PCDH9: variants seen among roughly 807,000 people sequenced by gnomAD.
The protein encoded by PCDH9 is protocadherin 9.
Under a neutral mutation model 70.6 loss-of-function variants are expected in PCDH9, and 24 were observed. The ratio of observed to expected loss-of-function variants is 0.34; its 90% CI spans 0.25 to 0.48. The LOEUF is 0.48. PCDH9 is among the 20% of genes least tolerant of loss of function. The pLI is 0.99. For missense variants in PCDH9, 1,281 were observed against 1,503.6 expected, an observed-to-expected ratio of 0.85 and a Z score of 2.45; for synonymous variants, 562 against 558.5, an observed-to-expected ratio of 1.01 and a Z score of -0.09.
At chr13:66,666,054 T>C (rs2078092476) in intron 3 of PCDH9, among the ~76,000 whole-genome samples, 1 of 152,198 alleles carries the variant, frequency 6.6e-6, no homozygotes, top group African/African-American at 2.4e-5. Context: ...GAACAGATAC[T>C]GTTGCAAATG....
At chr13:66,465,332 A>G (rs955324448) in intron 4 of PCDH9, among the ~76,000 whole-genome samples, 3 of 151,952 alleles carry the variant, frequency 2.0e-5, no homozygotes, top group African/African-American at 7.2e-5. Context: ...GGTCAAAAAA[A>G]ATGGATTAGA....
intron 4 of PCDH9, among the ~76,000 whole-genome samples, chr13:66,531,588 C>T (rs925624566): frequency 3.9e-5 from 6 of 152,038 alleles, no homozygotes; most frequent in South Asian, 2.1e-4. Flanking sequence ...AAAAGCCTCA[C>T]CTAAATTTTA....
At position 66,492,978 on chromosome 13, in the gene PCDH9, AT is replaced by A. The variant is rs745594908; in HGVS notation, c.3340+138231del. 3.3e-5 allele frequency among the ~76,000 whole-genome samples: 5 copies of A among 152,304 alleles called. No homozygotes were observed. The South Asian group carries it at 6.2e-4, about 19-fold the overall frequency. ...AGGTGACTATCCTGTCTCATTAAAA[AT>A]ATCCTGAGTGAGTTCTCACCACCTG... On this transcript the variant is annotated intron_variant, in intron 4 of 4. Coordinates refer to ENST00000377865, the MANE Select transcript of PCDH9 (RefSeq NM_203487.3).
chr13:67,228,924 T>C (rs566044360), intron 1 of PCDH9, among the ~76,000 whole-genome samples: 1 of 152,214 alleles, frequency 6.6e-6, no homozygotes. Flanking sequence ...TCCCTCAGTC[T>C]TTTCAGGTGC....
intron 2 of PCDH9, among the ~76,000 whole-genome samples, chr13:67,086,869 AGCATATAAAAGAT>A (rs922270410): frequency 6.6e-6 from 1 of 152,184 alleles, no homozygotes; most frequent in Non-Finnish European, 1.5e-5. Context: ...AATTTACCAA[AGCATATAAAAGAT>A]GCATGTTCTA....
chr13:67,030,722 T>C (rs1053530436), intron 2 of PCDH9, among the ~76,000 whole-genome samples: 1 of 152,146 alleles, frequency 6.6e-6, no homozygotes, highest in Non-Finnish European at 1.5e-5. Flanking sequence ...ATCATGAAGG[T>C]TGAGGGGCTC....
At position 66,783,827 on chromosome 13, in the gene PCDH9, T is replaced by A. The variant is rs551643106; in HGVS notation, c.3138+119677A>T. 1.2e-4 allele frequency among the ~76,000 whole-genome samples: 18 copies of A among 152,246 alleles called. No homozygotes were observed. In the East Asian group the frequency reaches 2.1e-3, roughly 18 times the overall value. ...TTACTGACTTACTTTAGGTACAACA[T>A]AACAGTATTAAAATACCTTTAGTAT... is the stretch of plus-strand genomic sequence containing the variant. On this transcript the variant is annotated intron_variant, in intron 3 of 4. Coordinates refer to ENST00000377865, the MANE Select transcript of PCDH9 (RefSeq NM_203487.3).
intron 4 of PCDH9, among the ~76,000 whole-genome samples, chr13:66,527,807 C>T (rs981901628): frequency 3.3e-5 from 5 of 152,230 alleles, no homozygotes; most frequent in Admixed American, 1.3e-4. Flanking sequence ...CACTTGAGGT[C>T]AGGAGTTCAA....
intron 2 of PCDH9, among the ~76,000 whole-genome samples, chr13:66,970,476 A>G (rs1301275008): frequency 6.6e-6 from 1 of 151,550 alleles, no homozygotes; most frequent in Non-Finnish European, 1.5e-5. Flanking sequence ...CAAAAAAAAT[A>G]ATAAATAATA....
chr13:67,177,315 G>C (rs902232616), intron 2 of PCDH9, among the ~76,000 whole-genome samples: 5 of 151,856 alleles, frequency 3.3e-5, no homozygotes, highest in Admixed American at 2.6e-4. Flanking sequence ...CTCCCTTTCA[G>C]AATCAATTTT....
intron 2 of PCDH9, among the ~76,000 whole-genome samples, chr13:66,965,624 A>G (rs773773297): frequency 5.9e-5 from 9 of 151,994 alleles, no homozygotes; most frequent in African/African-American, 9.7e-5. Context: ...CGGGGCCATC[A>G]CATCTTAGAT....
chr13:66,967,017 C>G (rs1034349937), intron 2 of PCDH9, among the ~76,000 whole-genome samples: 40 of 152,084 alleles, frequency 2.6e-4, no homozygotes, highest in African/African-American at 9.6e-4. Context: ...CAGTGCTAAA[C>G]TGGCAGATCA....
At chr13:66,661,881 C>T (rs1355331106) in intron 3 of PCDH9, among the ~76,000 whole-genome samples, 1 of 152,082 alleles carries the variant, frequency 6.6e-6, no homozygotes, top group African/African-American at 2.4e-5. Flanking sequence ...AGCCTTTGGG[C>T]CTTATTTAAC....
chr13:67,095,325 G>C (rs2086298239), intron 2 of PCDH9, among the ~76,000 whole-genome samples: 1 of 151,918 alleles, frequency 6.6e-6, no homozygotes, highest in African/African-American at 2.4e-5. Flanking sequence ...CTGAACTCTA[G>C]GTTATTACAT....
chr13:67,045,475 C>T (rs1350306891), intron 2 of PCDH9, among the ~76,000 whole-genome samples: 1 of 151,970 alleles, frequency 6.6e-6, no homozygotes, highest in African/African-American at 2.4e-5. Context: ...TTGTCTCTCT[C>T]TCCACCTCTC....
At chr13:66,851,575 T>TCACA (rs59674873) in intron 3 of PCDH9, among the ~76,000 whole-genome samples, 10,581 of 146,746 alleles carry the variant, frequency 0.072, 463 homozygotes, top group East Asian at 0.13. Context: ...CGCATCACCC[T>TCACA]CACACACACA....
intron 3 of PCDH9, among the ~76,000 whole-genome samples, chr13:66,839,667 T>C (rs927268380): frequency 3.3e-5 from 5 of 152,234 alleles, no homozygotes; most frequent in Admixed American, 2.0e-4. Context: ...CAAAAATACC[T>C]CTCTGATACC....
At chr13:67,223,086 G>C (rs1566507064) in intron 2 of PCDH9, 2 of 152,070 alleles carry the variant, frequency 1.3e-5, no homozygotes, top group Non-Finnish European at 2.9e-5. Context: ...GAATTACCTA[G>C]TTCCATATGA....
intron 2 of PCDH9, among the ~76,000 whole-genome samples, chr13:67,197,129 C>G (rs999708964): frequency 1.3e-5 from 2 of 151,906 alleles, no homozygotes; most frequent in African/African-American, 4.8e-5. Context: ...AGACTGCATA[C>G]ATCAAAAGGA....
Sources: allele counts gnomAD v4.1 joint callset (sites outside exome capture counted in the v4.1 genomes callset), GRCh38; gene constraint gnomAD v4.1.1; transcripts MANE v1.5; gene names NCBI Gene and HGNC (gene_info 2026-07-23, HGNC 2026-07-21).